The following CADM2 variants were observed in gnomAD, a reference collection of about 807,000 sequenced individuals.
CADM2 encodes the protein immunoglobulin superfamily member 4D.
A neutral mutation model predicts 49.8 loss-of-function variants in CADM2; 12 were observed. The ratio of observed to expected loss-of-function variants is 0.24; its 90% CI spans 0.15 to 0.39. The LOEUF is 0.39. Among genes scored for constraint, CADM2 ranks in the 10% least tolerant of loss-of-function variants. The pLI, the probability that CADM2 is intolerant of heterozygous loss-of-function variation, is 1.00. For synonymous variants in CADM2, 214 were observed against 175.4 expected (o/e 1.22, Z -1.74); for missense variants, 378 against 492.3 (o/e 0.77, Z 2.20).
chr3:85,207,448 T>C (rs896471155), intron 1 of CADM2, among the ~76,000 whole-genome samples: 1 of 152,170 alleles, frequency 6.6e-6, no homozygotes, highest in Non-Finnish European at 1.5e-5. Flanking sequence ...GCATATATAT[T>C]TATAATCTCT....
chr3:85,337,314 G>A (rs189539438), intron 1 of CADM2, among the ~76,000 whole-genome samples: 1 of 150,614 alleles, frequency 6.6e-6, no homozygotes, highest in Admixed American at 6.7e-5. Flanking sequence ...TTTAATGAGG[G>A]GCAAAAAGAA....
intron 3 of CADM2, among the ~76,000 whole-genome samples, chr3:85,874,535 T>C (rs1182432002): frequency 6.6e-6 from 1 of 152,082 alleles, no homozygotes; most frequent in African/African-American, 2.4e-5. Flanking sequence ...TAGTTAGATA[T>C]AAAAAATGAA....
intron 1 of CADM2, among the ~76,000 whole-genome samples, chr3:85,104,410 T>TCTGTTTTGGTACCAGTACCATG (rs1221936240): frequency 6.6e-6 from 1 of 152,134 alleles, no homozygotes; most frequent in Non-Finnish European, 1.5e-5. Context: ...GACCTATATC[T>TCTGTTTTGGTACCAGTACCATG]CTGTTTTGGT....
At chr3:85,014,124 T>G (rs1402050580) in intron 1 of CADM2, among the ~76,000 whole-genome samples, 1 of 147,490 alleles carries the variant, frequency 6.8e-6, no homozygotes, top group East Asian at 2.0e-4. Flanking sequence ...CAGTGTAATA[T>G]TGTATATTAT....
intron 1 of CADM2, among the ~76,000 whole-genome samples, chr3:85,100,252 A>G (rs1419441322): frequency 2.0e-5 from 3 of 152,208 alleles, no homozygotes; most frequent in Non-Finnish European, 4.4e-5. Context: ...TTAAAATCAC[A>G]TTTGTTCTAC....
intron 1 of CADM2, among the ~76,000 whole-genome samples, chr3:85,511,298 A>T (rs1313534726): frequency 6.6e-6 from 1 of 152,120 alleles, no homozygotes; most frequent in Non-Finnish European, 1.5e-5. Flanking sequence ...ACTAGGATAG[A>T]AGAGTAAAAT....
At chr3:85,750,208 T>C (rs1025874308) in intron 2 of CADM2, among the ~76,000 whole-genome samples, 18 of 152,086 alleles carry the variant, frequency 1.2e-4, no homozygotes, top group Non-Finnish European at 2.6e-4. Context: ...GTGTAGTAAT[T>C]TTCTCACCAA....
intron 1 of CADM2, among the ~76,000 whole-genome samples, chr3:85,348,907 G>A (rs953945810): frequency 6.6e-6 from 1 of 151,864 alleles, no homozygotes; most frequent in African/African-American, 2.4e-5. Context: ...ATATGGTCTT[G>A]TTTTTCATCA....
intron 1 of CADM2, among the ~76,000 whole-genome samples, chr3:85,271,480 C>T (rs902173169): frequency 4.0e-5 from 6 of 151,126 alleles, no homozygotes; most frequent in African/African-American, 1.5e-4. Context: ...AAACAGAAGG[C>T]GTTTCCCAAA....
At chr3:85,756,581 T>C (rs1463162137) in intron 2 of CADM2, among the ~76,000 whole-genome samples, 1 of 152,188 alleles carries the variant, frequency 6.6e-6, no homozygotes, top group Non-Finnish European at 1.5e-5. Context: ...TGTGATATTA[T>C]ATGAACTGTA....
chr3:85,748,215 C>T (rs1330840405), intron 2 of CADM2, among the ~76,000 whole-genome samples: 1 of 151,850 alleles, frequency 6.6e-6, no homozygotes, highest in East Asian at 1.9e-4. Flanking sequence ...ACATCAAAGC[C>T]TTTCTCTCAT....
intron 1 of CADM2, among the ~76,000 whole-genome samples, chr3:85,508,982 T>A (rs1458522647): frequency 6.6e-6 from 1 of 152,066 alleles, no homozygotes; most frequent in East Asian, 1.9e-4. Context: ...TCACAAGAAT[T>A]CTGTGAATAT....
At chr3:85,911,058 TTAATA>T (rs1173557208) in intron 5 of CADM2, among the ~76,000 whole-genome samples, 1 of 152,110 alleles carries the variant, frequency 6.6e-6, no homozygotes, top group African/African-American at 2.4e-5. Flanking sequence ...AATAAATTAC[TTAATA>T]TAAGTTAAAA....
chr3:85,195,866 A>G (rs2041332381), intron 1 of CADM2, among the ~76,000 whole-genome samples: 1 of 152,156 alleles, frequency 6.6e-6, no homozygotes. Flanking sequence ...ATGAAATATT[A>G]TCTAGATATA....
chr3:85,949,330 T>C (rs1029381820), intron 7 of CADM2, among the ~76,000 whole-genome samples: 2 of 151,410 alleles, frequency 1.3e-5, no homozygotes, highest in Non-Finnish European at 3.0e-5. Flanking sequence ...TGTATGCTTG[T>C]CAAATATATT....
At chr3:85,253,323 T>G (rs12488308) in intron 1 of CADM2, among the ~76,000 whole-genome samples, 34,532 of 152,004 alleles carry the variant, frequency 0.23, 6,545 homozygotes, top group African/African-American at 0.52. Flanking sequence ...CAGGCTTTGG[T>G]AGATCAAGTT....
intron 1 of CADM2, among the ~76,000 whole-genome samples, chr3:85,528,379 G>A (rs2061219680): frequency 6.6e-6 from 1 of 152,138 alleles, no homozygotes; most frequent in Non-Finnish European, 1.5e-5. Context: ...TCTCTTTATA[G>A]TTTAGTAACT....
chr3:85,285,251 A>G (rs776109988), intron 1 of CADM2, among the ~76,000 whole-genome samples: 1 of 152,150 alleles, frequency 6.6e-6, no homozygotes, highest in Admixed American at 6.6e-5. Flanking sequence ...GGCAAATTTC[A>G]TTCTGCAGAT....
At chr3:85,443,399 C>T (rs1018088626) in intron 1 of CADM2, among the ~76,000 whole-genome samples, 1 of 152,060 alleles carries the variant, frequency 6.6e-6, no homozygotes, top group African/African-American at 2.4e-5. Context: ...ATTGTATAAC[C>T]TCACTATTCT....
Sources: allele counts gnomAD v4.1 joint callset (sites outside exome capture counted in the v4.1 genomes callset), GRCh38; gene constraint gnomAD v4.1.1; transcripts MANE v1.5; gene names NCBI Gene and HGNC (gene_info 2026-07-23, HGNC 2026-07-21).